The following DHODH variants were observed in gnomAD, a reference collection of about 807,000 sequenced individuals.
DHODH encodes dihydroorotate dehydrogenase (quinone), mitochondrial.
DHODH carries 30 observed loss-of-function variants against 39.7 expected under a neutral mutation model. The observed-to-expected ratio is 0.76, with a 90% CI of 0.57 to 1.02. The LOEUF (loss-of-function observed/expected upper bound fraction) is 1.02, where lower values mean the gene tolerates loss of function less well. Ranked by LOEUF, DHODH falls within the 50% of genes least tolerant of loss-of-function variation. The pLI is 0.00. For missense variants in DHODH, 531 were observed against 520.8 expected, an observed-to-expected ratio of 1.02 and a Z score of -0.19; for synonymous variants, 222 against 213.8, an observed-to-expected ratio of 1.04 and a Z score of -0.34.
chr16:72,020,186 G>C (rs781106287), intron 4 of DHODH, among the ~76,000 whole-genome samples: 23 of 151,038 alleles, frequency 1.5e-4, no homozygotes, highest in Non-Finnish European at 2.8e-4. Context: ...TGAGACAGGA[G>C]AATTGCTTGA....
intron 4 of DHODH, among the ~76,000 whole-genome samples, chr16:72,019,712 G>A (rs1352122359): frequency 6.6e-6 from 1 of 152,130 alleles, no homozygotes; most frequent in Admixed American, 6.5e-5. Context: ...CCAGGCTAGG[G>A]GAGTAATCAG....
intron 4 of DHODH, among the ~76,000 whole-genome samples, chr16:72,018,475 A>C (rs1251317449): frequency 6.6e-6 from 1 of 152,134 alleles, no homozygotes; most frequent in Non-Finnish European, 1.5e-5. Flanking sequence ...GGAGCTTTGG[A>C]GGTCATCACA....
Position 72,020,126 on chromosome 16 carries a change from A to C in DHODH, c.518-998A>C, listed in dbSNP as rs2041187349. On this transcript the variant is annotated intron_variant, in intron 4 of 8. Coordinates refer to ENST00000219240, the MANE Select transcript of DHODH (RefSeq NM_001361.5). ...CCCCATCTCTACTAAAAATACAAAA[A>C]TTAGCTGGGCGTGGTGGCACATGCG... 3.3e-5 allele frequency among the ~76,000 whole-genome samples: 5 copies of C among 152,024 alleles called. No individual in the cohort carries two copies. The South Asian group carries it at 1.0e-3, about 32-fold the overall frequency.
intron 8 of DHODH, 72 bp from the exon 9 acceptor site, chr16:72,024,073 C>G (rs558890373): frequency 1.1e-5 from 17 of 1,523,450 alleles, no homozygotes; most frequent in Admixed American, 1.0e-4. Flanking sequence ...TCTGGGTGAA[C>G]GTGGGCTTCC....
At position 72,026,386 on chromosome 16, in the gene DHODH, CT is replaced by C. The variant is rs370916415; in HGVS notation, c.*2199del. On this transcript the variant is annotated 3_prime_UTR_variant, in exon 9 of 9. Transcript: ENST00000219240. The stretch of plus-strand genomic sequence containing the variant: ...TGGAAGGTTCTCCACGGAAGACTGC[CT>C]TTTTTTTTTTTGAGATGGAGTCTCG... The C allele has an allele frequency of 0.11, 16,303 of 145,828 alleles. 1,181 individuals carry two copies. The highest frequency in any genetic ancestry group is 0.17 in the South Asian group (760 of 4,588). The allele number at this position is 145,828 out of a possible 1,614,324, so 9.0% of individuals were successfully genotyped here. A position where few individuals can be genotyped will look rare whatever the true frequency, so the allele number is the denominator to read the frequency against.
chr16:72,024,566 C>T lies in DHODH; in HGVS notation c.*367C>T, dbSNP rs2041259575. The T allele has an allele frequency of 1.3e-5, 4 of 307,324 alleles. No individual in the cohort carries two copies. The highest frequency in any genetic ancestry group is 7.2e-5 in the East Asian group (1 of 13,798). 19.0% of individuals were successfully genotyped at this position (307,324 alleles called of 1,614,324 possible). On this transcript the variant is annotated 3_prime_UTR_variant, in exon 9 of 9. Coordinates refer to ENST00000219240, the MANE Select transcript of DHODH (RefSeq NM_001361.5). ...CCTGCCAAGATACTGCAGGTCCATC[C>T]AGGCCTCTGCTATCTGCATCTGCAG...
At chr16:72,017,769 G>GTTTTTTTTTT (rs1567571747) in intron 4 of DHODH, among the ~76,000 whole-genome samples, 3 of 71,932 alleles carry the variant, frequency 4.2e-5, no homozygotes, top group African/African-American at 2.6e-4. Flanking sequence ...AAAACAACAT[G>GTTTTTTTTTT]CTTTTTTTTT....
rs542454493 is a variant in DHODH, at chr16:72,023,592, C to A, written c.1092C>A (p.Pro364=). The A allele has an allele frequency of 6.2e-7, 1 of 1,614,106 alleles. No individual in the cohort carries two copies. The highest frequency in any genetic ancestry group is 1.1e-5 in the South Asian group (1 of 91,078). Residue 364 remains proline (P), a synonymous_variant, in exon 8 of 9, where the codon CCC becomes CCA. Transcript: ENST00000219240. ...CGGCCCTCACCTTCTGGGGGCCACC[C>A]GTTGTGGGCAAAGTCAAGCGGGAAC... ...LYTALTFWGP[P]VVGKVKRELE...
chr16:72,008,785 A>T lies in DHODH; in HGVS notation c.21A>T (p.Lys7Asn). 6.4e-7 allele frequency: 1 copy of T among 1,552,068 alleles called. No homozygotes were observed. Among genetic ancestry groups the T allele is most frequent in the Non-Finnish European group, 8.7e-7 (1 of 1,147,138 alleles). Residue 7 changes from lysine (K) to asparagine (N), a missense_variant and splice_region_variant, in exon 1 of 9, where the codon AAA (lysine) becomes AAT (asparagine). Coordinates refer to ENST00000219240, the MANE Select transcript of DHODH (RefSeq NM_001361.5). MAWRHL[K>N]KRAQDAVIIL... ...GGAGCATGGCGTGGAGACACCTGAA[A>T]GTGAGTCCCGCGAGTGAGCAGTGTG... is the stretch of plus-strand genomic sequence containing the variant.
rs1211443815 is a variant in DHODH, at chr16:72,021,119, T to C, written c.518-5T>C. 1 of 1,602,442 alleles carries C rather than the reference T, an allele frequency of 6.2e-7. No individual in the cohort carries two copies. Among genetic ancestry groups the C allele is most frequent in the South Asian group, 1.1e-5 (1 of 89,182 alleles). On this transcript the variant is annotated splice_region_variant and splice_polypyrimidine_tract_variant and intron_variant, in intron 4 of 8. Coordinates refer to ENST00000219240, the MANE Select transcript of DHODH (RefSeq NM_001361.5). ...GGGTGCAGGCCTGACCAGCGATGTT[T>C]GCAGATGGACTGCCTCTGGGGGTCA... is the stretch of plus-strand genomic sequence containing the variant.
At chr16:72,015,924 G>A in intron 3 of DHODH, 2 of 968,446 alleles carry the variant, frequency 2.1e-6, no homozygotes, top group Non-Finnish European at 2.5e-6. Flanking sequence ...GTGTGCCAGT[G>A]TGTCTGTTAT....
chr16:72,013,260 C>T (rs773012484), intron 2 of DHODH, among the ~76,000 whole-genome samples: 3 of 152,166 alleles, frequency 2.0e-5, no homozygotes, highest in African/African-American at 4.8e-5. Flanking sequence ...AGAAAGAGCA[C>T]TCCGTTAAGG....
At chr16:72,014,790 T>C in intron 3 of DHODH, 118 bp downstream of exon 3, 2 of 1,070,386 alleles carry the variant, frequency 1.9e-6, no homozygotes, top group East Asian at 2.6e-5. Flanking sequence ...CTTCTGTCAT[T>C]TGGAATGTTC....
chr16:72,016,941 C>A, intron 3 of DHODH, 83 bp from the exon 4 acceptor site: 1 of 1,286,524 alleles, frequency 7.8e-7, no homozygotes, highest in Non-Finnish European at 1.1e-6. Flanking sequence ...TTTTTTTTCT[C>A]TTGTTTGAAA....
chr16:72,014,133 A>G (rs1292160637), intron 2 of DHODH, among the ~76,000 whole-genome samples: 1 of 152,192 alleles, frequency 6.6e-6, no homozygotes, highest in Non-Finnish European at 1.5e-5. Context: ...CTAGTTGATA[A>G]GAAGGTATGA....
intron 2 of DHODH, among the ~76,000 whole-genome samples, chr16:72,013,968 G>T (rs531380920): frequency 1.3e-5 from 2 of 152,166 alleles, no homozygotes; most frequent in Admixed American, 6.5e-5. Context: ...GCTGGGGGAC[G>T]TGGCTGGGGC....
intron 4 of DHODH, chr16:72,020,364 TATATATA>T (rs1299633771): frequency 9.3e-4 from 68 of 72,998 alleles, no homozygotes; most frequent in Admixed American, 2.9e-3. Context: ...TGTGTATATA[TATATATA>T]TTTTTTTTTT....
intron 3 of DHODH, chr16:72,015,500 T>C (rs546914925): frequency 5.0e-4 from 82 of 165,082 alleles, no homozygotes; most frequent in Non-Finnish European, 9.2e-4. Flanking sequence ...TACTTTTTGG[T>C]AAGAGGATTT....
At position 72,027,075 on chromosome 16, in the gene DHODH, C is replaced by T. The variant is rs1259298774; in HGVS notation, c.*2876C>T. ...GCAGTGGTGCGATCTCAGCTCACTG[C>T]AAGCTCCGCCTCCCGGGTTCACACT... On this transcript the variant is annotated 3_prime_UTR_variant, in exon 9 of 9. Transcript: ENST00000219240. The T allele has an allele frequency of 6.6e-6, 1 of 151,980 alleles. No homozygotes were observed. Among genetic ancestry groups the T allele is most frequent in the African/African-American group, 2.4e-5 (1 of 41,310 alleles). The allele number at this position is 151,980 out of a possible 1,614,324, so 9.4% of individuals were successfully genotyped here. A position where few individuals can be genotyped will look rare whatever the true frequency, so the allele number is the denominator to read the frequency against.
Sources: allele counts gnomAD v4.1 joint callset (sites outside exome capture counted in the v4.1 genomes callset), GRCh38; gene constraint gnomAD v4.1.1; transcripts MANE v1.5; gene names NCBI Gene and HGNC (gene_info 2026-07-23, HGNC 2026-07-21).